Variants in GLI2 observed in about 807,000 individuals in gnomAD.
GLI2 encodes the protein transcription activator GLI2.
A neutral mutation model predicts 78.9 loss-of-function variants in GLI2; 22 were observed. The observed-to-expected ratio is 0.28, with a 90% CI of 0.20 to 0.40. GLI2 has a LOEUF of 0.40. Among genes scored for constraint, GLI2 ranks in the 10% least tolerant of loss-of-function variants. The pLI is 1.00. For missense variants in GLI2, 2,097 were observed against 2,213.2 expected (o/e 0.95, Z 1.05); for synonymous variants, 974 against 963.7 (o/e 1.01, Z -0.20).
intron 1 of GLI2, among the ~76,000 whole-genome samples, chr2:120,792,877 T>C (rs776666822): frequency 6.6e-6 from 1 of 152,212 alleles, no homozygotes; most frequent in Non-Finnish European, 1.5e-5. Flanking sequence ...TGCCTCGGCC[T>C]CCCAAAGTGC....
chr2:120,959,596 C>A (rs755258734), intron 5 of GLI2, among the ~76,000 whole-genome samples: 3 of 152,238 alleles, frequency 2.0e-5, no homozygotes, highest in Non-Finnish European at 4.4e-5. Context: ...CGGTTACTCA[C>A]GTATGTCTCT....
At chr2:120,858,893 TC>T (rs1328164479) in intron 2 of GLI2, among the ~76,000 whole-genome samples, 3 of 152,218 alleles carry the variant, frequency 2.0e-5, no homozygotes, top group African/African-American at 7.2e-5. Flanking sequence ...GCAGACTCTA[TC>T]CCCAGGGCCA....
At chr2:120,981,681 T>C (rs1299001950) in intron 10 of GLI2, among the ~76,000 whole-genome samples, 2 of 152,154 alleles carry the variant, frequency 1.3e-5, no homozygotes, top group African/African-American at 4.8e-5. Flanking sequence ...CGGGTGTACG[T>C]GTCCTCCTGA....
chr2:120,949,898 A>G (rs1487326442), intron 3 of GLI2, among the ~76,000 whole-genome samples: 1 of 152,174 alleles, frequency 6.6e-6, no homozygotes, highest in Admixed American at 6.5e-5. Context: ...ATCAGTAATT[A>G]TCTCTGGTTT....
intron 9 of GLI2, 30 bp from the exon 10 acceptor site, chr2:120,978,404 T>C: frequency 6.2e-7 from 1 of 1,613,750 alleles, no homozygotes; most frequent in Non-Finnish European, 8.5e-7. Context: ...TGGCCCTGCT[T>C]ACCCTCTTCT....
chr2:120,772,401 C>A lies in GLI2; in HGVS notation c.-30-24890C>A, dbSNP rs139195106. ...TGTTTGTTTCCACTCAGCAAGCCTC[C>A]AGAGGTCATAGAGCACACTTGTTTT... On this transcript the variant is annotated intron_variant, in intron 1 of 13. Transcript: ENST00000361492. 5.4e-3 allele frequency among the ~76,000 whole-genome samples: 825 copies of A among 152,286 alleles called. 6 individuals carry two copies. The highest frequency in any genetic ancestry group is 8.1e-3 in the Non-Finnish European group (549 of 68,028).
intron 2 of GLI2, among the ~76,000 whole-genome samples, chr2:120,910,076 C>T (rs968607829): frequency 6.6e-6 from 1 of 152,228 alleles, no homozygotes; most frequent in Non-Finnish European, 1.5e-5. Flanking sequence ...CCATTTCCCT[C>T]TGGGTCCCCT....
In GLI2 at chr2:120,786,730, T is replaced by A. The variant is rs1684007650; in HGVS notation, c.-30-10561T>A. ...GGCAAACACTGCCCATGGCAGACAG[T>A]ACAAGTTGACTAGTGTGCCTCCTGC... On this transcript the variant is annotated intron_variant, in intron 1 of 13. Coordinates refer to ENST00000361492, the MANE Select transcript of GLI2 (RefSeq NM_001374353.1). Among the ~76,000 whole-genome samples, 3 of 152,220 alleles carry A rather than the reference T, an allele frequency of 2.0e-5. No individual in the cohort carries two copies. The East Asian group carries it at 5.8e-4, about 30-fold the overall frequency.
At chr2:120,849,794 C>T (rs1687314112) in intron 2 of GLI2, among the ~76,000 whole-genome samples, 1 of 152,162 alleles carries the variant, frequency 6.6e-6, no homozygotes. Context: ...CAGCGGAATT[C>T]AGGAGGAGAT....
chr2:120,989,322 C>G lies in GLI2; in HGVS notation c.3357C>G (p.Ser1119Arg). The change falls in exon 14 of 14, where the codon AGC becomes AGG. Residue 1119 changes from serine to arginine, a missense_variant. This residue lies in a region of GLI2 where 1,290 missense variants were observed against 1,261.7 expected (regional missense o/e 1.02). Transcript: ENST00000361492. ...GCQLGFGAPS[S>R]LNKNNMPVQW... ...AGTTAGGCTTTGGGGCGCCCTCCAG[C>G]CTGAACAAAAATAACATGCCTGTGC... The G allele has an allele frequency of 6.2e-7, 1 of 1,613,058 alleles. No individual in the cohort carries two copies. The highest frequency in any genetic ancestry group is 8.5e-7 in the Non-Finnish European group (1 of 1,180,014).
intron 2 of GLI2, among the ~76,000 whole-genome samples, chr2:120,838,731 GT>G (rs1558825898): frequency 2.0e-5 from 3 of 152,278 alleles, no homozygotes; most frequent in South Asian, 4.2e-4. Flanking sequence ...ATAATCCCAT[GT>G]TTTTACTGTA....
intron 1 of GLI2, among the ~76,000 whole-genome samples, chr2:120,740,251 A>G (rs2104619356): frequency 6.6e-6 from 1 of 152,276 alleles, no homozygotes; most frequent in East Asian, 1.9e-4. Flanking sequence ...TTTTCCCCCA[A>G]TTCTTTCATC....
At chr2:120,791,817 T>A (rs1255159253) in intron 1 of GLI2, among the ~76,000 whole-genome samples, 1 of 152,220 alleles carries the variant, frequency 6.6e-6, no homozygotes, top group African/African-American at 2.4e-5. Context: ...GTCTGTGACT[T>A]TAATGCGGTG....
In GLI2 at chr2:120,897,946, A is replaced by G. The variant is rs182340190; in HGVS notation, c.149-29415A>G. Among the ~76,000 whole-genome samples the G allele has an allele frequency of 1.6e-3, 247 of 152,188 alleles. 3 individuals are homozygous for G. The highest frequency in any genetic ancestry group is 0.016 in the Admixed American group (244 of 15,284). ...ACATTTTATTACTCATTAGGCATCA[A>G]TGTCAGGTTCAGCAAGTCTTATCTT... is the stretch of plus-strand genomic sequence containing the variant. On this transcript the variant is annotated intron_variant, in intron 2 of 13. Coordinates refer to ENST00000361492, the MANE Select transcript of GLI2 (RefSeq NM_001374353.1).
At chr2:120,764,269 G>T (rs931706945) in intron 1 of GLI2, among the ~76,000 whole-genome samples, 37 of 152,344 alleles carry the variant, frequency 2.4e-4, no homozygotes, top group Middle Eastern at 3.4e-3. Context: ...GCTGGGGAGG[G>T]AGGTTACAGG....
chr2:120,847,481 C>G (rs893217830), intron 2 of GLI2, among the ~76,000 whole-genome samples: 6 of 152,170 alleles, frequency 3.9e-5, no homozygotes, highest in Non-Finnish European at 8.8e-5. Context: ...TTCCACGTCT[C>G]TTGAAGATCA....
At chr2:120,825,642 C>T (rs771553540) in intron 2 of GLI2, among the ~76,000 whole-genome samples, 6 of 151,892 alleles carry the variant, frequency 4.0e-5, no homozygotes, top group Non-Finnish European at 8.8e-5. Flanking sequence ...GAGCGTGCAC[C>T]GGACTGTGAG....
intron 2 of GLI2, among the ~76,000 whole-genome samples, chr2:120,867,888 G>C (rs916419777): frequency 1.3e-5 from 2 of 152,208 alleles, no homozygotes; most frequent in African/African-American, 4.8e-5. Flanking sequence ...GAGGGAATGT[G>C]GGGAGGCATG....
intron 2 of GLI2, among the ~76,000 whole-genome samples, chr2:120,874,247 T>G (rs1688615444): frequency 1.3e-5 from 2 of 152,154 alleles, no homozygotes; most frequent in South Asian, 4.1e-4. Flanking sequence ...GTCTGTCTTC[T>G]CAACTGGCTG....
Sources: gnomAD v4.1 joint callset for allele counts (sites outside exome capture counted in the v4.1 genomes callset) on GRCh38, gnomAD v4.1.1 for gene constraint, gnomAD v4.1.1 regional missense constraint, MANE v1.5 for transcripts, NCBI Gene and HGNC (gene_info 2026-07-23, HGNC 2026-07-21) for gene names.